The following GSTCD variants were observed in gnomAD, a reference collection of about 807,000 sequenced individuals.
GSTCD encodes glutathione S-transferase C-terminal domain containing.
In GSTCD, 44 loss-of-function variants were observed where a neutral mutation model predicts 68.3. The ratio of observed to expected loss-of-function variants is 0.64; its 90% CI spans 0.51 to 0.83. The LOEUF (loss-of-function observed/expected upper bound fraction) is 0.83, where lower values mean the gene tolerates loss of function less well. Among genes scored for constraint, GSTCD ranks in the 40% least tolerant of loss-of-function variants. The pLI, the probability that GSTCD is intolerant of heterozygous loss-of-function variation, is 0.00. For missense variants in GSTCD, 739 were observed against 735.9 expected (o/e 1.00, Z -0.05); for synonymous variants, 273 against 255.2 (o/e 1.07, Z -0.67).
intron 5 of GSTCD, among the ~76,000 whole-genome samples, chr4:105,738,141 T>C (rs1403267461): frequency 6.6e-6 from 1 of 152,172 alleles, no homozygotes; most frequent in African/African-American, 2.4e-5. Flanking sequence ...ATAAACCTCT[T>C]TTCTTTATAA....
At chr4:105,760,126 G>A (rs78929593) in intron 5 of GSTCD, among the ~76,000 whole-genome samples, 6,588 of 140,522 alleles carry the variant, frequency 0.047, 440 homozygotes, top group African/African-American at 0.16. Context: ...GTCAGTTAAT[G>A]ACATGAACAT....
chr4:105,746,117 C>T (rs1733793765), intron 5 of GSTCD: 1 of 152,106 alleles, frequency 6.6e-6, no homozygotes, highest in African/African-American at 2.4e-5. Context: ...CTTTTGACTC[C>T]CCAAAAACTT....
intron 5 of GSTCD, among the ~76,000 whole-genome samples, chr4:105,783,740 A>G (rs1419396220): frequency 3.3e-5 from 5 of 152,310 alleles, no homozygotes; most frequent in South Asian, 2.1e-4. Context: ...CCTATATTCA[A>G]ATGTCATCAA....
At chr4:105,710,232 A>AT (rs761574598) in intron 1 of GSTCD, among the ~76,000 whole-genome samples, 48,091 of 83,534 alleles carry the variant, frequency 0.58, 15,954 homozygotes, top group South Asian at 0.79. Context: ...GGGCCCATCA[A>AT]TTTTTTTTTT....
At chr4:105,770,303 G>A (rs1479739909) in intron 5 of GSTCD, among the ~76,000 whole-genome samples, 7 of 150,844 alleles carry the variant, frequency 4.6e-5, no homozygotes, top group East Asian at 3.9e-4. Flanking sequence ...ATTTCCCCGC[G>A]TAGCACCTTT....
At chr4:105,730,321 G>C (rs1488193058) in intron 5 of GSTCD, among the ~76,000 whole-genome samples, 1 of 152,186 alleles carries the variant, frequency 6.6e-6, no homozygotes, top group East Asian at 1.9e-4. Context: ...TCACCACACT[G>C]TCTTCCACAA....
At chr4:105,805,713 A>ACTGG (rs1722460412) in intron 5 of GSTCD, among the ~76,000 whole-genome samples, 1 of 152,108 alleles carries the variant, frequency 6.6e-6, no homozygotes, top group Non-Finnish European at 1.5e-5. Flanking sequence ...GGATTAAAAA[A>ACTGG]CTGGCATTGC....
chr4:105,779,721 A>G (rs1255256100), intron 5 of GSTCD, among the ~76,000 whole-genome samples: 2 of 152,228 alleles, frequency 1.3e-5, no homozygotes, highest in Non-Finnish European at 2.9e-5. Flanking sequence ...TGACAGGTAC[A>G]AATAAAGAGG....
intron 3 of GSTCD, among the ~76,000 whole-genome samples, chr4:105,724,207 T>C (rs148319906): frequency 1.8e-3 from 266 of 151,942 alleles, no homozygotes; most frequent in African/African-American, 6.1e-3. Context: ...GACATCATAA[T>C]GGTTTCTACG....
intron 5 of GSTCD, among the ~76,000 whole-genome samples, chr4:105,731,717 TTCCAACAC>T (rs1410301575): frequency 6.6e-6 from 1 of 152,148 alleles, no homozygotes. Flanking sequence ...TGGCCAGAAC[TTCCAACAC>T]TATGTTGAAT....
chr4:105,788,082 T>C (rs1156280379), intron 5 of GSTCD, among the ~76,000 whole-genome samples: 1 of 152,054 alleles, frequency 6.6e-6, no homozygotes, highest in African/African-American at 2.4e-5. Flanking sequence ...ATGATTTCTT[T>C]GTATTAGTGA....
At chr4:105,803,267 G>T (rs915181020) in intron 5 of GSTCD, among the ~76,000 whole-genome samples, 2 of 151,968 alleles carry the variant, frequency 1.3e-5, no homozygotes, top group East Asian at 3.9e-4. Flanking sequence ...ATTCTCAAAT[G>T]GCTGGCCTCC....
At chr4:105,768,572 A>G (rs1734712308) in intron 5 of GSTCD, among the ~76,000 whole-genome samples, 2 of 152,134 alleles carry the variant, frequency 1.3e-5, no homozygotes, top group Admixed American at 1.3e-4. Flanking sequence ...GAGGTTTGCA[A>G]CAATAAAAAG....
intron 5 of GSTCD, chr4:105,821,066 T>C (rs1723262961): frequency 1.3e-5 from 2 of 151,846 alleles, no homozygotes. Flanking sequence ...TACTTCATGG[T>C]GGCTCCATTT....
chr4:105,772,094 A>G (rs2149243992), intron 5 of GSTCD, among the ~76,000 whole-genome samples: 1 of 152,258 alleles, frequency 6.6e-6, no homozygotes, highest in African/African-American at 2.4e-5. Context: ...ATCCATTGTA[A>G]GTTGTATTCC....
intron 5 of GSTCD, among the ~76,000 whole-genome samples, chr4:105,745,404 A>G (rs1733767407): frequency 1.3e-5 from 2 of 152,228 alleles, no homozygotes; most frequent in South Asian, 4.1e-4. Context: ...ATCAATACTC[A>G]GTAGTAGGAT....
chr4:105,752,147 T>C (rs1401757558), intron 5 of GSTCD, among the ~76,000 whole-genome samples: 1 of 152,156 alleles, frequency 6.6e-6, no homozygotes, highest in Non-Finnish European at 1.5e-5. Context: ...TGGGTTTCTC[T>C]CTCTCTTTTT....
In GSTCD at chr4:105,819,172, G is replaced by A. The variant is rs540732749; in HGVS notation, c.1241-3782G>A. Among the ~76,000 whole-genome samples, 32 of 151,764 alleles carry A rather than the reference G, an allele frequency of 2.1e-4. No individual in the cohort carries two copies. In the South Asian group the frequency reaches 5.0e-3, roughly 24 times the overall value. ...TGGCACTGTCTGCCTGTATTTTCAC[G>A]TCAATCTGATGTTCTACTACTTCCC... On this transcript the variant is annotated intron_variant, in intron 5 of 11. Coordinates refer to ENST00000515279, the MANE Select transcript of GSTCD (RefSeq NM_001370181.1).
chr4:105,815,909 T>C (rs1722959858), intron 5 of GSTCD, among the ~76,000 whole-genome samples: 1 of 152,270 alleles, frequency 6.6e-6, no homozygotes, highest in South Asian at 2.1e-4. Flanking sequence ...CAGAGCAGAG[T>C]AATGTTTACT....
Sources: gnomAD v4.1 joint callset for allele counts (sites outside exome capture counted in the v4.1 genomes callset) on GRCh38, gnomAD v4.1.1 for gene constraint, MANE v1.5 for transcripts, NCBI Gene and HGNC (gene_info 2026-07-23, HGNC 2026-07-21) for gene names.